PCDHGB1: variants seen among roughly 807,000 people sequenced by gnomAD.
PCDHGB1 encodes protocadherin gamma subfamily B, 1.
Under a neutral mutation model 56.6 loss-of-function variants are expected in PCDHGB1, and 34 were observed. That is an observed-to-expected ratio of 0.60 (90% CI 0.46 to 0.80). PCDHGB1 has a LOEUF of 0.80. Ranked by LOEUF, PCDHGB1 falls within the 30% of genes least tolerant of loss-of-function variation. The pLI is 0.00. For synonymous variants in PCDHGB1, 561 were observed against 505.9 expected (o/e 1.11, Z -1.46); for missense variants, 1,278 against 1,204.6 (o/e 1.06, Z -0.90).
intron 1 of PCDHGB1, chr5:141,423,110 G>C: frequency 6.2e-7 from 1 of 1,613,842 alleles, no homozygotes; most frequent in Non-Finnish European, 8.5e-7. Context: ...GGCGAGGTGC[G>C]TACAGCGCGG....
At chr5:141,370,684 G>A in intron 1 of PCDHGB1, 1 of 1,613,842 alleles carries the variant, frequency 6.2e-7, no homozygotes, top group Non-Finnish European at 8.5e-7. Context: ...GAGATTTGTG[G>A]CAAGAAGTCG....
chr5:141,370,608 A>G, intron 1 of PCDHGB1: 1 of 1,613,954 alleles, frequency 6.2e-7, no homozygotes, highest in Non-Finnish European at 8.5e-7. Context: ...TATTGCAGAG[A>G]AGAAATTCTT....
In PCDHGB1 at chr5:141,371,429, G is replaced by A. The variant is rs766625096; in HGVS notation, c.2409+18760G>A. 6.2e-6 allele frequency: 10 copies of A among 1,613,916 alleles called. No homozygotes were observed. In the East Asian group the frequency reaches 1.6e-4, roughly 25 times the overall value. On this transcript the variant is annotated intron_variant, in intron 1 of 3. Transcript: ENST00000523390. ...TTTCAGATGAAAATGACAATGCCCC[G>A]GAGATAACCCTGGCTTCTGAATCCC...
chr5:141,389,135 T>C (rs547733890), intron 1 of PCDHGB1: 2 of 1,613,982 alleles, frequency 1.2e-6, no homozygotes, highest in Admixed American at 1.7e-5. Context: ...CAGAGTACAA[T>C]ATAACCGTTA....
At chr5:141,416,553 ACT>A (rs932477065) in intron 1 of PCDHGB1, 2 of 152,100 alleles carry the variant, frequency 1.3e-5, no homozygotes, top group Non-Finnish European at 2.9e-5. Context: ...AACACCTGAA[ACT>A]CTGAAAACTC....
chr5:141,439,756 G>A (rs74623862), intron 1 of PCDHGB1: 30 of 152,422 alleles, frequency 2.0e-4, no homozygotes, highest in African/African-American at 7.0e-4. Context: ...CAGGCAATGA[G>A]TTCAGCTCCT....
Position 141,487,945 on chromosome 5 carries a change from G to A in PCDHGB1, c.2410-6862G>A, listed in dbSNP as rs2099669554. ...CAGTGCACAGGGTACAGTGCACCAG[G>A]CAGTCACTTGGACAAAGGTGGCTGT... On this transcript the variant is annotated intron_variant, in intron 1 of 3. Transcript: ENST00000523390. This position sits in a 1 kb window ranked among gnomAD's most constrained non-coding sequence, Gnocchi z 5.0. Among the ~76,000 whole-genome samples the A allele has an allele frequency of 6.6e-6, 1 of 152,198 alleles. No individual in the cohort carries two copies. Among genetic ancestry groups the A allele is most frequent in the Non-Finnish European group, 1.5e-5 (1 of 68,036 alleles).
chr5:141,457,635 T>G (rs1242403589), intron 1 of PCDHGB1, among the ~76,000 whole-genome samples: 2 of 152,270 alleles, frequency 1.3e-5, no homozygotes, highest in African/African-American at 4.8e-5. Flanking sequence ...ATACTTGGCC[T>G]GATTATTTGC....
At chr5:141,488,208 C>T (rs2099672939) in intron 1 of PCDHGB1, among the ~76,000 whole-genome samples, 1 of 152,152 alleles carries the variant, frequency 6.6e-6, no homozygotes, top group African/African-American at 2.4e-5. Flanking sequence ...GGACTCATAT[C>T]AAGTCCCTAC....
intron 1 of PCDHGB1, among the ~76,000 whole-genome samples, chr5:141,459,561 C>T (rs912894386): frequency 2.6e-5 from 4 of 151,954 alleles, no homozygotes; most frequent in African/African-American, 7.3e-5. Context: ...GGATAAATAC[C>T]CCAAAACAGA....
rs758320936 is a variant in PCDHGB1 at position 141,357,250 on chromosome 5, C to T, written c.2409+4581C>T. 7 of 1,613,742 alleles carry T rather than the reference C, an allele frequency of 4.3e-6. No individual in the cohort carries two copies. In the South Asian group the frequency reaches 6.6e-5, roughly 15 times the overall value. ...GGGCAGCCTCAAGCCTTCAGCAGAC[C>T]CAGACGACTCGGGCCTCACACTCTA... On this transcript the variant is annotated intron_variant, in intron 1 of 3. Coordinates refer to ENST00000523390, the MANE Select transcript of PCDHGB1 (RefSeq NM_018922.3).
chr5:141,483,501 G>T (rs1022338958), intron 1 of PCDHGB1, among the ~76,000 whole-genome samples: 1 of 150,394 alleles, frequency 6.6e-6, no homozygotes, highest in Non-Finnish European at 1.5e-5. Flanking sequence ...ATGAGTCAAG[G>T]CTGATCCCCC....
In PCDHGB1 at chr5:141,365,219, A is replaced by G. The variant is rs569659080; in HGVS notation, c.2409+12550A>G. 1.4e-5 allele frequency: 22 copies of G among 1,613,962 alleles called. No homozygotes were observed. The Admixed American group carries it at 2.3e-4, about 17-fold the overall frequency. ...TTCGGAGACTTTCCAACTTGATTCC[A>G]ACCTGGGGGAAATCTCAACTCTACA... On this transcript the variant is annotated intron_variant, in intron 1 of 3. Coordinates refer to ENST00000523390, the MANE Select transcript of PCDHGB1 (RefSeq NM_018922.3).
At chr5:141,381,635 G>A (rs528841837) in intron 1 of PCDHGB1, among the ~76,000 whole-genome samples, 1 of 152,276 alleles carries the variant, frequency 6.6e-6, no homozygotes, top group Non-Finnish European at 1.5e-5. Context: ...GCAGATTTCT[G>A]CCTTCTGTAG....
chr5:141,438,471 A>C (rs1019238906), intron 1 of PCDHGB1, among the ~76,000 whole-genome samples: 4 of 151,396 alleles, frequency 2.6e-5, no homozygotes, highest in Admixed American at 2.6e-4. Flanking sequence ...CAATTATTGG[A>C]AAGTGGTCTC....
At chr5:141,367,805 G>T (rs1765340857) in intron 1 of PCDHGB1, 1 of 152,034 alleles carries the variant, frequency 6.6e-6, no homozygotes. Context: ...TTCTGTTATA[G>T]ATAAACCCTT....
At chr5:141,468,783 G>T (rs908838744) in intron 1 of PCDHGB1, among the ~76,000 whole-genome samples, 5 of 151,346 alleles carry the variant, frequency 3.3e-5, no homozygotes, top group East Asian at 2.0e-4. Flanking sequence ...GGAGAATGGC[G>T]TGAACCCGGG....
chr5:141,417,851 G>T (rs1196210157), intron 1 of PCDHGB1: 1 of 1,543,508 alleles, frequency 6.5e-7, no homozygotes. Flanking sequence ...GCGAGAACCC[G>T]AGCGAACGAT....
At chr5:141,404,910 CT>C (rs1185141572) in intron 1 of PCDHGB1, 10 of 1,613,936 alleles carry the variant, frequency 6.2e-6, no homozygotes, top group Non-Finnish European at 8.5e-6. Flanking sequence ...GGCCAGCCCC[CT>C]CTCTCGGCCA....
Sources: gnomAD v4.1 joint callset for allele counts (sites outside exome capture counted in the v4.1 genomes callset) on GRCh38, gnomAD v4.1.1 for gene constraint, Gnocchi (gnomAD v3.1) non-coding constraint, MANE v1.5 for transcripts, NCBI Gene and HGNC (gene_info 2026-07-23, HGNC 2026-07-21) for gene names.